AFDN: variants seen among roughly 807,000 people sequenced by gnomAD.
The protein encoded by AFDN is afadin, adherens junction formation factor, also known as afadin.
AFDN carries 68 observed loss-of-function variants against 216.6 expected under a neutral mutation model. The observed-to-expected ratio is 0.31, with a 90% confidence interval of 0.26 to 0.38. AFDN has a LOEUF of 0.38. Ranked by LOEUF, AFDN falls within the 10% of genes least tolerant of loss-of-function variation. The pLI is 1.00. For synonymous variants in AFDN, 868 were observed against 853.7 expected (o/e 1.02, Z -0.29); for missense variants, 2,136 against 2,342.0 (o/e 0.91, Z 1.82).
rs777115740 is a variant in AFDN at position 167,948,340 on chromosome 6, G to C, written c.3693G>C (p.Gln1231His). The C allele has an allele frequency of 5.0e-6, 8 of 1,614,096 alleles. No individual in the cohort carries two copies. Among genetic ancestry groups the C allele is most frequent in the Non-Finnish European group, 6.8e-6 (8 of 1,179,994 alleles). The change falls in exon 29 of 34, where the codon CAG becomes CAC. Residue 1231 changes from glutamine to histidine, a missense_variant. Physicochemically the swap from Gln to His is conservative, Grantham distance 24 (BLOSUM62 0). Transcript: ENST00000683244. ...PRPEAYPIPT[Q>H]TYTREYFTFP... Reference sequence around the variant, plus strand: ...CTGAAGCCTACCCCATCCCCACTCAGACGTACACCAGAGAGTATTTTACCT... The same window carrying C: ...CTGAAGCCTACCCCATCCCCACTCACACGTACACCAGAGAGTATTTTACCT...
intron 29 of AFDN, among the ~76,000 whole-genome samples, chr6:167,950,445 G>GAC (rs751055767): frequency 6.7e-5 from 10 of 150,152 alleles, no homozygotes; most frequent in African/African-American, 2.0e-4. Flanking sequence ...GTCTCTCACA[G>GAC]ACACACACAC....
chr6:167,875,540 A>G (rs746236097), intron 5 of AFDN, 45 bp downstream of exon 5: 3 of 1,594,320 alleles, frequency 1.9e-6, no homozygotes, highest in East Asian at 2.2e-5. Flanking sequence ...TACAAAGAGC[A>G]TTGTTTAATT....
At chr6:167,836,087 C>T (rs990613227) in intron 1 of AFDN, among the ~76,000 whole-genome samples, 2 of 152,182 alleles carry the variant, frequency 1.3e-5, no homozygotes, top group Admixed American at 6.5e-5. Context: ...CTAAGATGCA[C>T]ACATTTACAT....
At chr6:167,944,334 G>T (rs1019678969) in intron 26 of AFDN, among the ~76,000 whole-genome samples, 1 of 152,096 alleles carries the variant, frequency 6.6e-6, no homozygotes, top group Admixed American at 6.5e-5. Flanking sequence ...GCTTCCATAG[G>T]CCCGGCACAT....
At chr6:167,852,112 A>C (rs1782382980) in intron 1 of AFDN, among the ~76,000 whole-genome samples, 1 of 152,294 alleles carries the variant, frequency 6.6e-6, no homozygotes, top group East Asian at 1.9e-4. Context: ...GTGTGCATCT[A>C]ACAAAAATTC....
chr6:167,895,626 T>C (rs972817127), intron 9 of AFDN, among the ~76,000 whole-genome samples: 6 of 152,162 alleles, frequency 3.9e-5, no homozygotes, highest in Non-Finnish European at 7.3e-5. Flanking sequence ...AAAATTAACA[T>C]CAGTTCTAAC....
chr6:167,960,529 G>T (rs1796935222), intron 30 of AFDN, among the ~76,000 whole-genome samples: 1 of 152,172 alleles, frequency 6.6e-6, no homozygotes, highest in African/African-American at 2.4e-5. Context: ...AAATTAGTTT[G>T]TGCTTTGTGG....
Position 167,943,969 on chromosome 6 carries a change from T to A in AFDN, c.3268T>A (p.Ser1090Thr). Residue 1090 changes from serine to threonine, a missense_variant, in exon 26 of 34, where the codon TCT becomes ACT. By Grantham distance (58) the Ser-to-Thr change is moderately conservative. Around this residue, in one of 8 missense-constraint regions of AFDN, gnomAD observed 74 missense variants for 98.8 expected, o/e 0.75. Transcript: ENST00000683244. ...GGCAGAACTCATGACAAGAACAAGC[T>A]CTGTGGTGACACTGGAAGTAGCAAA... The part of the protein sequence containing the change: ...RAAELMTRTS[S>T]VVTLEVAKQG... 1 of 1,614,124 alleles carries A rather than the reference T, an allele frequency of 6.2e-7. No homozygotes were observed. The highest frequency in any genetic ancestry group is 8.5e-7 in the Non-Finnish European group (1 of 1,180,010).
chr6:167,913,341 T>C (rs1790647690), intron 15 of AFDN, 62 bp from the exon 16 acceptor site: 1 of 1,489,276 alleles, frequency 6.7e-7, no homozygotes, highest in Non-Finnish European at 9.1e-7. Flanking sequence ...TAAACTATCA[T>C]GATTGTTTAC....
intron 23 of AFDN, among the ~76,000 whole-genome samples, chr6:167,939,437 G>T (rs114765146): frequency 6.6e-6 from 1 of 152,190 alleles, no homozygotes; most frequent in Non-Finnish European, 1.5e-5. Flanking sequence ...GTACCAGCTG[G>T]AAGGGAATAG....
At chr6:167,941,870 G>GA (rs1355173827) in intron 23 of AFDN, among the ~76,000 whole-genome samples, 1 of 152,202 alleles carries the variant, frequency 6.6e-6, no homozygotes, top group African/African-American at 2.4e-5. Context: ...CTGCAAAGGA[G>GA]AATACTTGAT....
chr6:167,840,572 A>G (rs944655443), intron 1 of AFDN, among the ~76,000 whole-genome samples: 1 of 152,220 alleles, frequency 6.6e-6, no homozygotes, highest in Non-Finnish European at 1.5e-5. Context: ...ACAGAATGAT[A>G]TGTTATTGTG....
chr6:167,917,947 C>G (rs1026960746), intron 20 of AFDN, among the ~76,000 whole-genome samples: 1 of 152,196 alleles, frequency 6.6e-6, no homozygotes, highest in Non-Finnish European at 1.5e-5. Flanking sequence ...CAGCCCTGTG[C>G]AAAGTGCATA....
At chr6:167,854,239 T>C (rs1341694523) in intron 1 of AFDN, among the ~76,000 whole-genome samples, 1 of 149,946 alleles carries the variant, frequency 6.7e-6, no homozygotes, top group Admixed American at 6.6e-5. Context: ...TTCACTACTT[T>C]GTATGCTGCC....
chr6:167,935,838 A>G (rs577658230), intron 23 of AFDN, among the ~76,000 whole-genome samples: 1 of 151,834 alleles, frequency 6.6e-6, no homozygotes, highest in South Asian at 2.1e-4. Flanking sequence ...AAATTATAGT[A>G]TGGTAAAATC....
intron 29 of AFDN, among the ~76,000 whole-genome samples, chr6:167,950,873 T>TTA (rs1795896295): frequency 6.7e-6 from 1 of 149,296 alleles, no homozygotes; most frequent in Non-Finnish European, 1.5e-5. Flanking sequence ...TTTTTTTTTT[T>TTA]AAATTTTAGT....
chr6:167,969,185 A>G lies in AFDN; in HGVS notation c.5329A>G (p.Lys1777Glu). ...AHDACRDAKEKRSKSQDADSP... is the reference protein window; with the variant it reads ...AHDACRDAKEERSKSQDADSP... The stretch of plus-strand genomic sequence containing the variant: ...TGACGCCTGTCGGGATGCAAAAGAG[A>G]AGCGCTCTAAAAGGTATGGACGGTT... Residue 1777 changes from lysine to glutamate, a missense_variant, in exon 33 of 34, where the codon AAG becomes GAG. By Grantham distance (56) the Lys-to-Glu change is moderately conservative. Transcript: ENST00000683244. The G allele has an allele frequency of 6.2e-7, 1 of 1,613,650 alleles. No homozygotes were observed. The highest frequency in any genetic ancestry group is 1.1e-5 in the South Asian group (1 of 91,074).
intron 29 of AFDN, among the ~76,000 whole-genome samples, 198 bp from the exon 30 acceptor site, chr6:167,950,988 C>T (rs9455552): frequency 0.29 from 44,526 of 151,730 alleles, 7,370 homozygotes; most frequent in East Asian, 0.6. Context: ...TGAGCCACCA[C>T]GCTTGGCCGC....
intron 8 of AFDN, among the ~76,000 whole-genome samples, chr6:167,892,553 C>G (rs2128348924): frequency 6.6e-6 from 1 of 152,210 alleles, no homozygotes; most frequent in Non-Finnish European, 1.5e-5. Flanking sequence ...TAAATAGCAG[C>G]TGACAGAATA....
Sources: gnomAD v4.1 joint callset for allele counts (sites outside exome capture counted in the v4.1 genomes callset) on GRCh38, gnomAD v4.1.1 for gene constraint, gnomAD v4.1.1 regional missense constraint, MANE v1.5 for transcripts, NCBI Gene and HGNC (gene_info 2026-07-23, HGNC 2026-07-21) for gene names.